Variants in SUV39H1 observed in about 807,000 individuals in gnomAD.
SUV39H1 encodes the protein SUV39H1 histone lysine methyltransferase.
For missense variants in SUV39H1, 180 were observed against 386.3 expected, an observed-to-expected ratio of 0.47 and a Z score of 4.48; for synonymous variants, 141 against 150.5, an observed-to-expected ratio of 0.94 and a Z score of 0.46.
At chrX:48,698,773 G>A (rs917147516) in intron 1 of SUV39H1, 129 bp from the exon 2 acceptor site, 45 of 797,552 alleles carry the variant, frequency 5.6e-5, no homozygotes, top group East Asian at 7.0e-5. Context: ...ACTGGGGAAG[G>A]CCTGTGGATT....
chrX:48,703,411 T>C (rs2062481128), intron 3 of SUV39H1, among the ~76,000 whole-genome samples: 1 of 111,532 alleles, frequency 9.0e-6, no homozygotes, highest in South Asian at 3.7e-4. Flanking sequence ...ACTGTCCTTC[T>C]TCAGCTGGGA....
At chrX:48,699,874 G>T (rs1303618405) in intron 2 of SUV39H1, among the ~76,000 whole-genome samples, 1 of 110,949 alleles carries the variant, frequency 9.0e-6, no homozygotes, top group East Asian at 2.8e-4. Flanking sequence ...TTAAAAGTTG[G>T]AACAGTTTGG....
chrX:48,705,674 G>A (rs1487624709), intron 3 of SUV39H1, among the ~76,000 whole-genome samples: 1 of 112,286 alleles, frequency 8.9e-6, no homozygotes, highest in East Asian at 2.8e-4. Context: ...TCTCTGAAGT[G>A]TGTGGCCTCA....
chrX:48,706,625 A>G lies in SUV39H1; in HGVS notation c.1103A>G (p.Gln368Arg). 1.7e-6 allele frequency: 2 copies of G among 1,201,891 alleles called. No homozygotes were observed. The highest frequency in any genetic ancestry group is 2.2e-6 in the Non-Finnish European group (2 of 889,479). ...GEELTFDYNM[Q>R]VDPVDMESTR... ...GAGCTCACCTTTGATTACAACATGC[A>G]AGGTGGGGGTGGCAAGGGACTGGGG... The change falls in exon 5 of 6, where the codon CAA becomes CGA. Residue 368 changes from glutamine (Q) to arginine (R), a missense_variant and splice_region_variant. Gln to Arg is a conservative substitution (Grantham distance 43, BLOSUM62 1). Transcript: ENST00000376687.
chrX:48,700,291 C>G lies in SUV39H1; in HGVS notation c.366C>G (p.Ala122=). 2.5e-6 allele frequency: 3 copies of G among 1,209,573 alleles called. No homozygotes were observed. In the Admixed American group the frequency reaches 6.5e-5, roughly 26 times the overall value. The change falls in exon 3 of 6, where the codon GCC becomes GCG. Residue 122 remains alanine (A), a synonymous_variant. Transcript: ENST00000376687. ...PSLANYLVQK[A]KQRRALRRWE... The stretch of plus-strand genomic sequence containing the variant: ...TGGCCAACTACCTGGTGCAGAAGGC[C>G]AAGCAGAGGCGGGCGCTCCGTCGCT...
chrX:48,704,855 G>A (rs782346240), intron 3 of SUV39H1, among the ~76,000 whole-genome samples: 1 of 111,163 alleles, frequency 9.0e-6, no homozygotes, highest in African/African-American at 3.3e-5. Flanking sequence ...AGAGTGGACC[G>A]GGCCTGGTCC....
At chrX:48,704,437 T>G (rs1557009804) in intron 3 of SUV39H1, among the ~76,000 whole-genome samples, 1 of 111,259 alleles carries the variant, frequency 9.0e-6, no homozygotes, top group African/African-American at 3.3e-5. Context: ...AGGCTGCCCT[T>G]TGATCCCAGG....
intron 1 of SUV39H1, among the ~76,000 whole-genome samples, chrX:48,697,233 T>C (rs959796970): frequency 5.4e-5 from 6 of 111,447 alleles, no homozygotes; most frequent in African/African-American, 9.8e-5. Context: ...CTGAGAACTC[T>C]TCTGGGGGAA....
At chrX:48,705,351 G>A (rs2062487454) in intron 3 of SUV39H1, 1 of 113,252 alleles carries the variant, frequency 8.8e-6, no homozygotes, top group Admixed American at 9.3e-5. Flanking sequence ...GTTCTTGGCT[G>A]AGGTACAGTG....
intron 1 of SUV39H1, 116 bp from the exon 2 acceptor site, chrX:48,698,786 A>G (rs2062464628): frequency 3.2e-6 from 3 of 938,638 alleles, no homozygotes; most frequent in African/African-American, 3.9e-5. Context: ...TGTGGATTAA[A>G]TTTCCCTGAC....
intron 1 of SUV39H1, among the ~76,000 whole-genome samples, chrX:48,698,001 T>C (rs1557008904): frequency 8.9e-6 from 1 of 112,235 alleles, no homozygotes; most frequent in Non-Finnish European, 1.9e-5. Flanking sequence ...CACAGAAAGA[T>C]GGATGAGACA....
In SUV39H1 at chrX:48,706,211, G is replaced by A. The variant is rs184563517; in HGVS notation, c.829-54G>A. ...TCCTTCAGAAGTCAGGAGCAGTGCC[G>A]GCTTTCCTGAGACTTCGCGGCCAAT... On this transcript the variant is annotated intron_variant, in intron 3 of 5. Coordinates refer to ENST00000376687, the MANE Select transcript of SUV39H1 (RefSeq NM_003173.4). The A allele has an allele frequency of 6.8e-6, 8 of 1,173,160 alleles. No homozygotes were observed. In the African/African-American group the frequency reaches 7.0e-5, roughly 10 times the overall value.
At chrX:48,695,970 T>C (rs2062453144), upstream of SUV39H1, 1 of 1,070,735 alleles carries the variant, frequency 9.3e-7, no homozygotes, top group Admixed American at 2.6e-5. Flanking sequence ...TGAGAAGTAA[T>C]CTGAGGGAAA....
chrX:48,699,267 C>T, intron 2 of SUV39H1: 1 of 366,879 alleles, frequency 2.7e-6, no homozygotes, highest in Non-Finnish European at 4.7e-6. Flanking sequence ...TAAATCTCTT[C>T]CCATCTCCCT....
At chrX:48,699,094 A>C (rs1557009062) in intron 2 of SUV39H1, 47 bp downstream of exon 2, 1 of 1,160,482 alleles carries the variant, frequency 8.6e-7, no homozygotes, top group Admixed American at 2.4e-5. Context: ...GTCACAAGGA[A>C]GTTAGTGTCC....
chrX:48,695,597 C>G (rs1456277923), upstream of SUV39H1: 6 of 1,084,315 alleles, frequency 5.5e-6, no homozygotes, highest in Non-Finnish European at 6.0e-6. Context: ...GCTGGAGGGC[C>G]TGGCTGGGTG....
At chrX:48,695,620 G>A, upstream of SUV39H1, 5 of 1,092,433 alleles carry the variant, frequency 4.6e-6, no homozygotes, top group Non-Finnish European at 6.0e-6. Context: ...CTGACTGACT[G>A]ATCACCTGAC....
In SUV39H1 at chrX:48,707,736, C is replaced by T. The variant is rs1383164965; in HGVS notation, c.*166C>T. The T allele has an allele frequency of 6.5e-6, 4 of 619,411 alleles. No homozygotes were observed. In the African/African-American group the frequency reaches 6.6e-5, roughly 10 times the overall value. The allele number at this position is 619,411 out of a possible 1,213,427, so 51.0% of individuals were successfully genotyped here. On this transcript the variant is annotated 3_prime_UTR_variant, in exon 6 of 6. Transcript: ENST00000376687. ...TCAGGGCTGTGGCCGTGGTGAGGAC[C>T]GACTCCAGGAGTCCCCTTTCCCTGT...
intron 5 of SUV39H1, 135 bp from the exon 6 acceptor site, chrX:48,707,302 A>G (rs2062494341): frequency 1.6e-6 from 1 of 609,065 alleles, no homozygotes. Context: ...GTCTCATGGT[A>G]TAAAGGGTAG....
Sources: allele counts gnomAD v4.1 joint callset (sites outside exome capture counted in the v4.1 genomes callset), GRCh38; gene constraint gnomAD v4.1.1; transcripts MANE v1.5; gene names NCBI Gene and HGNC (gene_info 2026-07-23, HGNC 2026-07-21).